SUCLG2: variants seen among roughly 807,000 people sequenced by gnomAD.
SUCLG2 encodes the protein succinate-CoA ligase GDP-forming subunit beta.
In SUCLG2, 42 loss-of-function variants were observed where a neutral mutation model predicts 47.9. The ratio of observed to expected loss-of-function variants is 0.88; its 90% CI spans 0.69 to 1.14. SUCLG2 has a LOEUF of 1.14. Ranked by LOEUF, SUCLG2 falls within the 50% of genes most tolerant of loss-of-function variation. The probability of loss-of-function intolerance (pLI) is 0.00; values close to 1 mark genes in which losing one functional copy is unlikely to be tolerated. For synonymous variants in SUCLG2, 195 were observed against 197.3 expected, an observed-to-expected ratio of 0.99 and a Z score of 0.10; for missense variants, 571 against 525.9, an observed-to-expected ratio of 1.09 and a Z score of -0.84.
At chr3:67,601,469 G>C (rs1708416218) in intron 2 of SUCLG2, among the ~76,000 whole-genome samples, 2 of 152,156 alleles carry the variant, frequency 1.3e-5, no homozygotes, top group Non-Finnish European at 2.9e-5. Context: ...GATCACAGCA[G>C]TGAGGTCCTA....
chr3:67,619,158 C>A (rs1297266496), intron 1 of SUCLG2, among the ~76,000 whole-genome samples: 2 of 152,196 alleles, frequency 1.3e-5, no homozygotes, highest in Non-Finnish European at 2.9e-5. Context: ...CTTGGGGTGC[C>A]TTGGCAAAGT....
chr3:67,454,961 C>CAAAAA (rs61683854), intron 9 of SUCLG2, among the ~76,000 whole-genome samples: 74 of 111,556 alleles, frequency 6.6e-4, no homozygotes, highest in African/African-American at 9.8e-4. Flanking sequence ...GACTCCGTCT[C>CAAAAA]AAAAAAAAAA....
chr3:67,647,051 C>A lies in SUCLG2; in HGVS notation c.84+7452G>T, dbSNP rs1701204447. ...CTCACCGTAAACTCTACAAGGCAGC[C>A]CTCCTGAACCTCCTTAGGGCTCTCA... On this transcript the variant is annotated intron_variant, in intron 1 of 10. Coordinates refer to ENST00000307227, the MANE Select transcript of SUCLG2 (RefSeq NM_003848.4). Among the ~76,000 whole-genome samples the A allele has an allele frequency of 2.6e-5, 4 of 152,194 alleles. No individual in the cohort carries two copies. The South Asian group carries it at 8.3e-4, about 32-fold the overall frequency.
chr3:67,471,664 A>G (rs867016020), intron 9 of SUCLG2, among the ~76,000 whole-genome samples: 3 of 152,090 alleles, frequency 2.0e-5, no homozygotes, highest in South Asian at 2.1e-4. Flanking sequence ...GAAGAAGAAG[A>G]AGGCGGCAAA....
intron 9 of SUCLG2, among the ~76,000 whole-genome samples, chr3:67,479,716 G>A (rs932638720): frequency 8.5e-5 from 13 of 152,120 alleles, no homozygotes; most frequent in African/African-American, 3.1e-4. Context: ...AACTTAACGG[G>A]GACAAAAATG....
chr3:67,528,007 T>TA (rs1706300445), intron 4 of SUCLG2, 125 bp downstream of exon 4: 1 of 806,584 alleles, frequency 1.2e-6, no homozygotes, highest in Non-Finnish European at 2.0e-6. Context: ...AGATGAGCTT[T>TA]AAAAAATAAA....
At chr3:67,523,578 C>T (rs1359820971) in intron 4 of SUCLG2, among the ~76,000 whole-genome samples, 1 of 152,124 alleles carries the variant, frequency 6.6e-6, no homozygotes, top group Non-Finnish European at 1.5e-5. Context: ...TTATAAAATA[C>T]AGTAACAACT....
intron 2 of SUCLG2, among the ~76,000 whole-genome samples, chr3:67,597,529 C>G (rs920571115): frequency 6.6e-6 from 1 of 152,160 alleles, no homozygotes; most frequent in Non-Finnish European, 1.5e-5. Flanking sequence ...GCCTCGTCCT[C>G]CCTATCTATT....
chr3:67,370,661 G>A (rs1701941023), downstream of SUCLG2, among the ~76,000 whole-genome samples: 2 of 152,164 alleles, frequency 1.3e-5, no homozygotes, highest in Non-Finnish European at 2.9e-5. Context: ...ATTTATAAAT[G>A]AGGCACAGTA....
chr3:67,364,494 T>G (rs576752477), intron 10 of SUCLG2, among the ~76,000 whole-genome samples: 1 of 149,780 alleles, frequency 6.7e-6, no homozygotes, highest in East Asian at 2.0e-4. Flanking sequence ...CATGAGGGAG[T>G]GCAGCACTAG....
intron 9 of SUCLG2, among the ~76,000 whole-genome samples, chr3:67,447,407 G>C (rs1192432301): frequency 6.6e-6 from 1 of 152,134 alleles, no homozygotes; most frequent in Non-Finnish European, 1.5e-5. Context: ...TATTCATTGA[G>C]CAGTTATTAC....
At chr3:67,649,547 T>A (rs1254268995) in intron 1 of SUCLG2, among the ~76,000 whole-genome samples, 1 of 151,714 alleles carries the variant, frequency 6.6e-6, no homozygotes, top group Admixed American at 6.6e-5. Context: ...ACTTCTGCTA[T>A]CCACCTCTCC....
chr3:67,393,558 C>T (rs1250090828), intron 10 of SUCLG2, among the ~76,000 whole-genome samples: 7 of 152,336 alleles, frequency 4.6e-5, no homozygotes, highest in Admixed American at 2.0e-4. Context: ...CTCAAGGAGG[C>T]CTGCCTGCCT....
chr3:67,403,424 C>T (rs149838657), intron 9 of SUCLG2, among the ~76,000 whole-genome samples: 426 of 152,294 alleles, frequency 2.8e-3, no homozygotes, highest in African/African-American at 9.0e-3. Context: ...AATGGTTTAA[C>T]AATGAATGAA....
intron 9 of SUCLG2, among the ~76,000 whole-genome samples, chr3:67,437,240 G>A (rs534963313): frequency 1.3e-5 from 2 of 152,116 alleles, no homozygotes; most frequent in Admixed American, 6.6e-5. Context: ...ATGTGAGTCA[G>A]CAGGTAAAGC....
intron 9 of SUCLG2, among the ~76,000 whole-genome samples, chr3:67,478,814 T>A (rs771350875): frequency 2.6e-5 from 4 of 152,156 alleles, no homozygotes; most frequent in African/African-American, 9.7e-5. Context: ...CCTCATCGGG[T>A]CAGCGTCTCA....
chr3:67,402,110 G>C (rs1005575329), intron 9 of SUCLG2, among the ~76,000 whole-genome samples: 1 of 152,188 alleles, frequency 6.6e-6, no homozygotes, highest in Admixed American at 6.5e-5. Flanking sequence ...GTTGTTGCTA[G>C]GGCTGGGACC....
intron 9 of SUCLG2, among the ~76,000 whole-genome samples, chr3:67,463,275 C>T (rs56245197): frequency 0.11 from 16,178 of 152,172 alleles, 1,003 homozygotes; most frequent in East Asian, 0.19. Context: ...GCCTGACACA[C>T]AGAGTACCCT....
At chr3:67,481,196 G>T (rs1338946036) in intron 9 of SUCLG2, among the ~76,000 whole-genome samples, 2 of 152,080 alleles carry the variant, frequency 1.3e-5, no homozygotes, top group Non-Finnish European at 2.9e-5. Flanking sequence ...TCATGGCAAG[G>T]GTAATTAGCA....
Sources: allele counts gnomAD v4.1 joint callset (sites outside exome capture counted in the v4.1 genomes callset), GRCh38; gene constraint gnomAD v4.1.1; transcripts MANE v1.5; gene names NCBI Gene and HGNC (gene_info 2026-07-23, HGNC 2026-07-21).